The following CDKAL1 variants were observed in gnomAD, a reference collection of about 807,000 sequenced individuals.
CDKAL1 encodes CDKAL1 threonylcarbamoyladenosine tRNA methylthiotransferase.
In CDKAL1, 32 loss-of-function variants were observed where a neutral mutation model predicts 68.2. The ratio of observed to expected loss-of-function variants is 0.47; its 90% CI spans 0.35 to 0.63. CDKAL1 has a LOEUF of 0.63. Among genes scored for constraint, CDKAL1 ranks in the 30% least tolerant of loss-of-function variants. The pLI is 0.00. For missense variants in CDKAL1, 606 were observed against 696.7 expected (o/e 0.87, Z 1.47); for synonymous variants, 234 against 244.3 (o/e 0.96, Z 0.39).
At chr6:20,735,984 A>G (rs990353802) in intron 5 of CDKAL1, among the ~76,000 whole-genome samples, 4 of 152,202 alleles carry the variant, frequency 2.6e-5, no homozygotes, top group Admixed American at 1.3e-4. Flanking sequence ...TTTGAAATCT[A>G]TCCTCACTTA....
At chr6:20,789,400 C>T (rs1775807154) in intron 8 of CDKAL1, among the ~76,000 whole-genome samples, 1 of 152,154 alleles carries the variant, frequency 6.6e-6, no homozygotes, top group South Asian at 2.1e-4. Context: ...GCAGAGCTTT[C>T]AAATGCTGGC....
intron 5 of CDKAL1, among the ~76,000 whole-genome samples, chr6:20,730,957 G>C (rs1310586419): frequency 2.0e-5 from 3 of 152,094 alleles, no homozygotes; most frequent in Non-Finnish European, 4.4e-5. Context: ...GCAAAGTTGA[G>C]GCAGATGAAG....
intron 8 of CDKAL1, among the ~76,000 whole-genome samples, chr6:20,805,083 T>C (rs1294556384): frequency 6.6e-6 from 1 of 152,194 alleles, no homozygotes; most frequent in Non-Finnish European, 1.5e-5. Context: ...TGACCTGCTC[T>C]AGGTAGAAAG....
chr6:21,076,459 C>G (rs906729536), intron 12 of CDKAL1, among the ~76,000 whole-genome samples: 1 of 152,068 alleles, frequency 6.6e-6, no homozygotes, highest in Non-Finnish European at 1.5e-5. Context: ...TGCCTTTAAA[C>G]CTTTTTGTTT....
chr6:20,793,341 A>T (rs1011595501), intron 8 of CDKAL1, among the ~76,000 whole-genome samples: 4 of 152,204 alleles, frequency 2.6e-5, no homozygotes, highest in Admixed American at 2.6e-4. Flanking sequence ...AAATAATGAC[A>T]AGGTGTCAGT....
chr6:20,966,678 CATT>C (rs1249779378), intron 10 of CDKAL1, among the ~76,000 whole-genome samples: 5 of 152,202 alleles, frequency 3.3e-5, no homozygotes, highest in African/African-American at 1.2e-4. Context: ...AAAATACTGT[CATT>C]AAGTCTGTTT....
chr6:20,683,679 G>A (rs1157081705), intron 5 of CDKAL1, among the ~76,000 whole-genome samples: 1 of 152,024 alleles, frequency 6.6e-6, no homozygotes, highest in African/African-American at 2.4e-5. Flanking sequence ...CCATCAGAAT[G>A]GTACATTTGT....
At chr6:21,095,051 T>C (rs989188021) in intron 12 of CDKAL1, among the ~76,000 whole-genome samples, 1 of 152,160 alleles carries the variant, frequency 6.6e-6, no homozygotes, top group Non-Finnish European at 1.5e-5. Flanking sequence ...AAGCATACAG[T>C]ATACGCAATA....
chr6:20,782,679 G>A (rs980167547), intron 8 of CDKAL1, among the ~76,000 whole-genome samples: 2 of 152,010 alleles, frequency 1.3e-5, no homozygotes, highest in African/African-American at 4.8e-5. Flanking sequence ...CTCCTCACTG[G>A]CATATATGCT....
rs70990059 is a variant in CDKAL1 at position 20,693,129 on chromosome 6, C to CAAAA, written c.371+43777_371+43780dup. 1.1e-3 allele frequency among the ~76,000 whole-genome samples: 76 copies of CAAAA among 67,614 alleles called. 1 individual carries two copies. The highest frequency in any genetic ancestry group is 4.1e-3 in the African/African-American group (73 of 17,904). The allele number at this position is 67,614 out of a possible 152,430, so 44.4% of individuals were successfully genotyped here. On this transcript the variant is annotated intron_variant, in intron 5 of 15. Transcript: ENST00000274695. Reference sequence around the variant, plus strand: ...TGGGCAACAAAGCGAGACTCTGTCTCAAAAAAAAAAAAAAAAAAAAAAAAA... The same window carrying CAAAA: ...TGGGCAACAAAGCGAGACTCTGTCTCAAAAAAAAAAAAAAAAAAAAAAAAAAAAA...
intron 7 of CDKAL1, among the ~76,000 whole-genome samples, chr6:20,763,978 A>G (rs924533193): frequency 6.6e-6 from 1 of 152,180 alleles, no homozygotes; most frequent in South Asian, 2.1e-4. Flanking sequence ...AACTGAATGT[A>G]AGGAAAGAAA....
intron 8 of CDKAL1, among the ~76,000 whole-genome samples, chr6:20,830,842 A>G (rs1581662352): frequency 1.3e-5 from 2 of 152,188 alleles, no homozygotes; most frequent in South Asian, 4.1e-4. Flanking sequence ...TGCTTCTTCA[A>G]ACTAATTAGC....
intron 10 of CDKAL1, among the ~76,000 whole-genome samples, chr6:20,984,155 T>C (rs1766310911): frequency 6.6e-6 from 1 of 152,200 alleles, no homozygotes. Context: ...ACTGCTATCA[T>C]TACTGTTGCT....
At chr6:20,722,587 C>G in intron 5 of CDKAL1, 2 of 252,488 alleles carry the variant, frequency 7.9e-6, no homozygotes, top group South Asian at 5.6e-5. Flanking sequence ...AGGCAGGAGG[C>G]AGAGAAATTG....
At chr6:21,210,237 A>G (rs1779100371) in intron 15 of CDKAL1, among the ~76,000 whole-genome samples, 1 of 152,164 alleles carries the variant, frequency 6.6e-6, no homozygotes, top group Admixed American at 6.5e-5. Flanking sequence ...TTGGGAAGAG[A>G]AGATATGTGC....
chr6:20,786,087 G>T (rs1270185761), intron 8 of CDKAL1, among the ~76,000 whole-genome samples: 2 of 152,004 alleles, frequency 1.3e-5, no homozygotes, highest in Admixed American at 6.6e-5. Context: ...TGGATGTGGT[G>T]GTTGGTGCGT....
In CDKAL1 at chr6:20,733,309, A is replaced by G. The variant is rs113834044; in HGVS notation, c.372-6210A>G. Among the ~76,000 whole-genome samples, 1,481 of 152,316 alleles carry G rather than the reference A, an allele frequency of 9.7e-3. 19 individuals carry two copies. The highest frequency in any genetic ancestry group is 0.054 in the South Asian group (261 of 4,828). ...AAGCATATTTCTTCCTTCTCGCTCT[A>G]AACTGTGAACTTTAGATCAGTGACT... On this transcript the variant is annotated intron_variant, in intron 5 of 15. Coordinates refer to ENST00000274695, the MANE Select transcript of CDKAL1 (RefSeq NM_017774.3).
intron 13 of CDKAL1, among the ~76,000 whole-genome samples, chr6:21,192,810 CT>C (rs34456723): frequency 0.17 from 21,450 of 124,826 alleles, 2,016 homozygotes; most frequent in African/African-American, 0.3. Context: ...TTGAGAGTTC[CT>C]TTTTTTTTTT....
At chr6:21,190,550 A>G (rs1778193818) in intron 13 of CDKAL1, among the ~76,000 whole-genome samples, 1 of 152,092 alleles carries the variant, frequency 6.6e-6, no homozygotes, top group Non-Finnish European at 1.5e-5. Flanking sequence ...GTATTTTTGT[A>G]GAGATGGAGT....
Sources: gnomAD v4.1 joint callset for allele counts (sites outside exome capture counted in the v4.1 genomes callset) on GRCh38, gnomAD v4.1.1 for gene constraint, MANE v1.5 for transcripts, NCBI Gene and HGNC (gene_info 2026-07-23, HGNC 2026-07-21) for gene names.